Variants in TRPM3 observed in about 807,000 individuals in gnomAD.
The protein encoded by TRPM3 is transient receptor potential cation channel subfamily M member 3, also known as long transient receptor potential channel 3.
A neutral mutation model predicts 181.2 loss-of-function variants in TRPM3; 77 were observed. The ratio of observed to expected loss-of-function variants is 0.42; its 90% CI spans 0.35 to 0.51. The LOEUF (loss-of-function observed/expected upper bound fraction) is 0.51. Ranked by LOEUF, TRPM3 falls within the 20% of genes least tolerant of loss-of-function variation. The pLI is 0.01. For synonymous variants in TRPM3, 745 were observed against 796.4 expected (o/e 0.94, Z 1.09); for missense variants, 1,759 against 2,196.7 (o/e 0.80, Z 3.98).
chr9:71,044,416 T>G (rs1001960652), intron 1 of TRPM3, among the ~76,000 whole-genome samples: 5 of 152,222 alleles, frequency 3.3e-5, no homozygotes, highest in African/African-American at 1.2e-4. Flanking sequence ...CAAGTCTCAT[T>G]GAGTCTGTTT....
At chr9:71,307,974 CTTTT>C (rs1195485360) in intron 1 of TRPM3, among the ~76,000 whole-genome samples, 1 of 142,214 alleles carries the variant, frequency 7.0e-6, no homozygotes, top group Non-Finnish European at 1.5e-5. Context: ...TTCTTTCTTT[CTTTT>C]TTTTTTTTTG....
intron 8 of TRPM3, chr9:70,760,877 T>A (rs1480686255): frequency 6.6e-6 from 1 of 152,410 alleles, no homozygotes; most frequent in Non-Finnish European, 1.5e-5. Context: ...CATTTACTAA[T>A]CAAATGAGCC....
intron 1 of TRPM3, among the ~76,000 whole-genome samples, chr9:71,233,637 T>G (rs1026465609): frequency 6.6e-6 from 1 of 152,234 alleles, no homozygotes. Flanking sequence ...AACTGCAATC[T>G]TCTACATTAA....
At chr9:70,797,140 A>G (rs1298792366) in intron 6 of TRPM3, among the ~76,000 whole-genome samples, 1 of 152,140 alleles carries the variant, frequency 6.6e-6, no homozygotes, top group African/African-American at 2.4e-5. Flanking sequence ...TTGAAAAAAC[A>G]AAAAGGTAGA....
intron 1 of TRPM3, among the ~76,000 whole-genome samples, chr9:71,079,188 T>C (rs2063867868): frequency 6.6e-6 from 1 of 152,190 alleles, no homozygotes. Flanking sequence ...ACTATATCTA[T>C]CAGAGTTGGT....
chr9:71,355,187 CA>C, intron 1 of TRPM3, among the ~76,000 whole-genome samples: 1 of 152,236 alleles, frequency 6.6e-6, no homozygotes, highest in South Asian at 2.1e-4. Flanking sequence ...TTACATCCTC[CA>C]AAAAGATATG....
At chr9:70,760,256 C>A (rs774592722) in intron 8 of TRPM3, among the ~76,000 whole-genome samples, 2 of 151,624 alleles carry the variant, frequency 1.3e-5, no homozygotes. Flanking sequence ...ATGTATAGTC[C>A]TGGTAAGGTT....
At chr9:70,950,450 T>C (rs2133687184) in intron 1 of TRPM3, among the ~76,000 whole-genome samples, 1 of 152,334 alleles carries the variant, frequency 6.6e-6, no homozygotes, top group South Asian at 2.1e-4. Context: ...TATGCGCTCC[T>C]GACAGTATGG....
chr9:70,807,602 C>G (rs2090979607), intron 6 of TRPM3, among the ~76,000 whole-genome samples: 1 of 152,084 alleles, frequency 6.6e-6, no homozygotes, highest in African/African-American at 2.4e-5. Flanking sequence ...TTATTGAGCA[C>G]CTACTTGCAT....
At chr9:70,626,535 G>C (rs1274124450) in intron 12 of TRPM3, among the ~76,000 whole-genome samples, 1 of 152,180 alleles carries the variant, frequency 6.6e-6, no homozygotes, top group African/African-American at 2.4e-5. Context: ...GGTGGCATCA[G>C]AATACCCTGG....
intron 1 of TRPM3, among the ~76,000 whole-genome samples, chr9:71,423,830 G>T (rs1040838693): frequency 2.0e-5 from 3 of 152,018 alleles, no homozygotes; most frequent in African/African-American, 7.2e-5. Context: ...GATGACTTTG[G>T]ACCCTTATGA....
chr9:71,380,543 G>A (rs549961781), intron 1 of TRPM3, among the ~76,000 whole-genome samples: 29 of 152,098 alleles, frequency 1.9e-4, no homozygotes, highest in African/African-American at 6.0e-4. Context: ...GGTTGGCCAC[G>A]AACCTACCTC....
Position 70,680,252 on chromosome 9 carries a change from C to T in TRPM3, c.1345+1254G>A, listed in dbSNP as rs191389222. 3.2e-4 allele frequency among the ~76,000 whole-genome samples: 49 copies of T among 152,238 alleles called. No individual in the cohort carries two copies. In the East Asian group the frequency reaches 6.0e-3, roughly 19 times the overall value. ...TAACTTCCTGTAGCTCAACTTACTC[C>T]ATCTGTAAAATGGGAATTAAAAATA... On this transcript the variant is annotated intron_variant, in intron 9 of 25. Coordinates refer to ENST00000677713, the MANE Select transcript of TRPM3 (RefSeq NM_001366145.2).
At chr9:70,951,001 A>G (rs2096992220) in intron 1 of TRPM3, among the ~76,000 whole-genome samples, 2 of 152,066 alleles carry the variant, frequency 1.3e-5, no homozygotes, top group Non-Finnish European at 2.9e-5. Flanking sequence ...ATAAAGATAA[A>G]CATTTTGAAT....
chr9:71,113,674 T>A (rs1208392544), intron 1 of TRPM3, among the ~76,000 whole-genome samples: 1 of 152,160 alleles, frequency 6.6e-6, no homozygotes, highest in East Asian at 1.9e-4. Flanking sequence ...ATTATAAAAG[T>A]CATTCAATGC....
intron 8 of TRPM3, among the ~76,000 whole-genome samples, chr9:70,693,569 T>C (rs1445891510): frequency 6.6e-6 from 1 of 152,226 alleles, no homozygotes; most frequent in African/African-American, 2.4e-5. Context: ...CATCAAATAC[T>C]TCTGCAGCCT....
chr9:70,837,351 C>T (rs35672482), intron 5 of TRPM3, among the ~76,000 whole-genome samples: 5 of 151,924 alleles, frequency 3.3e-5, no homozygotes, highest in African/African-American at 4.8e-5. Context: ...ACATAAGAAC[C>T]CTTACAGGCT....
chr9:71,237,069 G>GAA lies in TRPM3; in HGVS notation c.183+209582_183+209583dup, dbSNP rs3041693. Reference sequence around the variant, plus strand: ...CAAAAAAAAAAAAAAAAGGGGGGGGGAAAAAAAGAAAGGAAAGGGAAGGGG... The same window carrying GAA: ...CAAAAAAAAAAAAAAAAGGGGGGGGGAAAAAAAAAGAAAGGAAAGGGAAGGGG... On this transcript the variant is annotated intron_variant, in intron 1 of 24. Transcript: ENST00000357533. 2.8e-3 allele frequency among the ~76,000 whole-genome samples: 378 copies of GAA among 134,122 alleles called. 10 individuals carry two copies. The highest frequency in any genetic ancestry group is 7.3e-3 in the African/African-American group (251 of 34,542). 88.0% of individuals were successfully genotyped at this position (134,122 alleles called of 152,430 possible).
At chr9:71,155,395 G>A (rs2075941184) in intron 1 of TRPM3, among the ~76,000 whole-genome samples, 1 of 151,956 alleles carries the variant, frequency 6.6e-6, no homozygotes, top group Non-Finnish European at 1.5e-5. Context: ...TCAGCTCTCT[G>A]CAACCTCTGC....
Sources: allele counts gnomAD v4.1 joint callset (sites outside exome capture counted in the v4.1 genomes callset), GRCh38; gene constraint gnomAD v4.1.1; transcripts MANE v1.5; gene names NCBI Gene and HGNC (gene_info 2026-07-23, HGNC 2026-07-21).